Variants in CSGALNACT1 observed in about 807,000 individuals in gnomAD.
CSGALNACT1 encodes the protein beta4GalNAcT-1.
CSGALNACT1 carries 52 observed loss-of-function variants against 51.0 expected under a neutral mutation model. The observed-to-expected ratio is 1.02, with a 90% confidence interval of 0.82 to 1.29. The LOEUF is 1.29. CSGALNACT1 is among the 50% of genes most tolerant of loss of function. The probability of loss-of-function intolerance (pLI) is 0.00; values close to 1 mark genes in which losing one functional copy is unlikely to be tolerated. For synonymous variants in CSGALNACT1, 341 were observed against 254.4 expected (o/e 1.34, Z -3.24); for missense variants, 935 against 679.2 (o/e 1.38, Z -4.19).
intron 3 of CSGALNACT1, among the ~76,000 whole-genome samples, chr8:19,532,583 A>C (rs1224596915): frequency 6.6e-6 from 1 of 152,238 alleles, no homozygotes; most frequent in African/African-American, 2.4e-5. Context: ...ATTTTCAAAA[A>C]TAATGACCTG....
chr8:19,659,060 T>C (rs1477545252), intron 1 of CSGALNACT1, among the ~76,000 whole-genome samples: 3 of 151,866 alleles, frequency 2.0e-5, no homozygotes, highest in Non-Finnish European at 4.4e-5. Context: ...AAGGCAGGGC[T>C]CCCCCCAACC....
chr8:19,424,219 C>A (rs947744437), intron 6 of CSGALNACT1, among the ~76,000 whole-genome samples: 22 of 152,160 alleles, frequency 1.4e-4, no homozygotes, highest in African/African-American at 5.1e-4. Context: ...GCTTGGGAAG[C>A]ACCATCAGGC....
chr8:19,584,754 T>C (rs1339022818), intron 3 of CSGALNACT1, among the ~76,000 whole-genome samples: 1 of 152,210 alleles, frequency 6.6e-6, no homozygotes, highest in African/African-American at 2.4e-5. Context: ...CTGATAGCAG[T>C]ACAAAGTAAG....
chr8:19,568,341 T>C (rs143298244), intron 3 of CSGALNACT1, among the ~76,000 whole-genome samples: 46 of 152,104 alleles, frequency 3.0e-4, no homozygotes, highest in African/African-American at 9.6e-4. Flanking sequence ...TCTAAACATA[T>C]CAAAAAATAG....
chr8:19,576,842 C>T (rs1220557323), intron 3 of CSGALNACT1, among the ~76,000 whole-genome samples: 2 of 152,134 alleles, frequency 1.3e-5, no homozygotes, highest in Non-Finnish European at 2.9e-5. Context: ...AGGAGGCTGA[C>T]TTGTTTCCTG....
intron 4 of CSGALNACT1, among the ~76,000 whole-genome samples, chr8:19,497,018 T>C (rs928212109): frequency 8.6e-5 from 13 of 152,038 alleles, no homozygotes; most frequent in African/African-American, 3.1e-4. Context: ...AAAAACCTTA[T>C]TGGTGGGGAA....
intron 1 of CSGALNACT1, among the ~76,000 whole-genome samples, chr8:19,719,966 A>C (rs1490137666): frequency 6.6e-6 from 1 of 152,230 alleles, no homozygotes; most frequent in Non-Finnish European, 1.5e-5. Flanking sequence ...TTTTCTAATA[A>C]TAGAAGGAGC....
intron 3 of CSGALNACT1, among the ~76,000 whole-genome samples, chr8:19,575,299 C>A (rs2043945202): frequency 2.0e-5 from 3 of 152,316 alleles, no homozygotes; most frequent in South Asian, 4.1e-4. Flanking sequence ...AAGTTAGCAA[C>A]CTTAATTCTC....
intron 3 of CSGALNACT1, among the ~76,000 whole-genome samples, chr8:19,548,279 T>C (rs1405000446): frequency 6.6e-6 from 1 of 152,200 alleles, no homozygotes; most frequent in Non-Finnish European, 1.5e-5. Flanking sequence ...AGTTAGACAC[T>C]AAAATTGCTT....
In CSGALNACT1 at chr8:19,435,014, C is replaced by A. The variant is rs545177604; in HGVS notation, c.953+4816G>T. 1.7e-4 allele frequency among the ~76,000 whole-genome samples: 26 copies of A among 152,140 alleles called. No homozygotes were observed. In the South Asian group the frequency reaches 4.6e-3, roughly 27 times the overall value. ...TTGCAAGGTGGGTCCCTGATAACGA[C>A]AACAACCCTCTCCTAGCATCACATA... is the stretch of plus-strand genomic sequence containing the variant. On this transcript the variant is annotated intron_variant, in intron 6 of 9. Coordinates refer to ENST00000454498, the Ensembl canonical transcript of CSGALNACT1.
intron 1 of CSGALNACT1, among the ~76,000 whole-genome samples, chr8:19,735,107 C>G (rs1319627623): frequency 1.3e-5 from 2 of 151,972 alleles, no homozygotes; most frequent in Non-Finnish European, 2.9e-5. Context: ...CTGAGAACCC[C>G]CAAAATGCAG....
intron 1 of CSGALNACT1, among the ~76,000 whole-genome samples, chr8:19,750,901 C>A (rs1169533601): frequency 6.6e-6 from 1 of 152,108 alleles, no homozygotes; most frequent in Non-Finnish European, 1.5e-5. Context: ...CTGCCAAACA[C>A]CTTGATCGGA....
chr8:19,598,643 G>T (rs1311087008), intron 2 of CSGALNACT1, among the ~76,000 whole-genome samples: 1 of 152,168 alleles, frequency 6.6e-6, no homozygotes, highest in Non-Finnish European at 1.5e-5. Context: ...ACTGCAAAGG[G>T]CCTATAAGCT....
chr8:19,559,077 G>C (rs759696066), intron 3 of CSGALNACT1, among the ~76,000 whole-genome samples: 26 of 151,980 alleles, frequency 1.7e-4, no homozygotes, highest in Non-Finnish European at 2.5e-4. Context: ...ATTCCTCAGG[G>C]AACTTCAGAA....
rs34491658 is a variant in CSGALNACT1 at position 19,416,109 on chromosome 8, C to CTTTTTTTTTTTTTTTTTTTTTTTTTTT, written c.1227+2546_1227+2547insAAAAAAAAAAAAAAAAAAAAAAAAAAA. On this transcript the variant is annotated intron_variant, in intron 8 of 9. Coordinates refer to ENST00000454498, the Ensembl canonical transcript of CSGALNACT1. ...TAACTTATTATTAAAGAAATGAAAA[C>CTTTTTTTTTTTTTTTTTTTTTTTTTTT]TTTTTTTTTTTTTTTTTTTTTCTGA... Among the ~76,000 whole-genome samples the CTTTTTTTTTTTTTTTTTTTTTTTTTTT allele has an allele frequency of 1.7e-5, 2 of 116,716 alleles. 1 individual carries two copies. The highest frequency in any genetic ancestry group is 3.4e-5 in the Non-Finnish European group (2 of 58,908). 76.6% of individuals were successfully genotyped at this position (116,716 alleles called of 152,430 possible). A position where few individuals can be genotyped will look rare whatever the true frequency, so the allele number is the denominator to read the frequency against.
intron 1 of CSGALNACT1, among the ~76,000 whole-genome samples, chr8:19,649,704 G>A (rs2057603919): frequency 6.6e-6 from 1 of 151,058 alleles, no homozygotes; most frequent in Admixed American, 6.6e-5. Flanking sequence ...TACTGCCATG[G>A]GTGAGGGTTG....
chr8:19,719,854 C>A (rs373011857), intron 1 of CSGALNACT1, among the ~76,000 whole-genome samples: 1 of 151,904 alleles, frequency 6.6e-6, no homozygotes, highest in East Asian at 1.9e-4. Context: ...ACACCTCCCT[C>A]GCCTAGATCC....
At chr8:19,476,720 C>G (rs1019608210) in intron 4 of CSGALNACT1, among the ~76,000 whole-genome samples, 2 of 152,172 alleles carry the variant, frequency 1.3e-5, no homozygotes, top group African/African-American at 4.8e-5. Context: ...GTAAGAAGTG[C>G]AACTACCCCA....
intron 3 of CSGALNACT1, among the ~76,000 whole-genome samples, chr8:19,521,895 C>G (rs1336892573): frequency 6.6e-6 from 1 of 152,244 alleles, no homozygotes; most frequent in East Asian, 1.9e-4. Flanking sequence ...CAAGCATCTG[C>G]TCTACCAATC....
Sources: allele counts gnomAD v4.1 joint callset (sites outside exome capture counted in the v4.1 genomes callset), GRCh38; gene constraint gnomAD v4.1.1; transcripts MANE v1.5; gene names NCBI Gene and HGNC (gene_info 2026-07-23, HGNC 2026-07-21).